The following PIK3C3 variants were observed in gnomAD, a reference collection of about 807,000 sequenced individuals.
PIK3C3 encodes phosphatidylinositol 3-kinase catalytic subunit type 3, also known as PI3-kinase type 3.
In PIK3C3, 95 loss-of-function variants were observed where a neutral mutation model predicts 126.1. The ratio of observed to expected loss-of-function variants is 0.75; its 90% CI spans 0.64 to 0.89. PIK3C3 has a LOEUF of 0.89. Among genes scored for constraint, PIK3C3 ranks in the 40% least tolerant of loss-of-function variants. The pLI is 0.00. For missense variants in PIK3C3, 829 were observed against 1,063.2 expected, an observed-to-expected ratio of 0.78 and a Z score of 3.06; for synonymous variants, 374 against 360.0, an observed-to-expected ratio of 1.04 and a Z score of -0.44.
chr18:41,994,488 A>G (rs1177596877), intron 7 of PIK3C3, among the ~76,000 whole-genome samples: 2 of 152,276 alleles, frequency 1.3e-5, no homozygotes, highest in East Asian at 3.9e-4. Flanking sequence ...GTATCTGACA[A>G]TAAAACAGAC....
At chr18:42,079,868 A>G (rs1367308479) in intron 24 of PIK3C3, among the ~76,000 whole-genome samples, 1 of 151,648 alleles carries the variant, frequency 6.6e-6, no homozygotes, top group Non-Finnish European at 1.5e-5. Flanking sequence ...AGCTCTGTTG[A>G]TTCACCGCCG....
At chr18:41,998,393 G>A (rs192569495) in intron 9 of PIK3C3, among the ~76,000 whole-genome samples, 71 of 152,246 alleles carry the variant, frequency 4.7e-4, no homozygotes, top group African/African-American at 1.5e-3. Context: ...ATGCAGCTCA[G>A]TGTCGTCTTA....
intron 11 of PIK3C3, among the ~76,000 whole-genome samples, chr18:42,014,936 T>A (rs1401458173): frequency 1.3e-5 from 2 of 152,210 alleles, no homozygotes; most frequent in African/African-American, 4.8e-5. Flanking sequence ...GTCTTCAGTC[T>A]CAAGTCATGC....
At chr18:42,063,739 T>C (rs1017299300) in intron 22 of PIK3C3, among the ~76,000 whole-genome samples, 2 of 152,120 alleles carry the variant, frequency 1.3e-5, no homozygotes, top group Admixed American at 6.5e-5. Context: ...TATTTTATTA[T>C]TATTATTATT....
intron 4 of PIK3C3, among the ~76,000 whole-genome samples, chr18:41,974,886 G>A (rs1227762511): frequency 1.3e-5 from 2 of 152,220 alleles, no homozygotes; most frequent in Non-Finnish European, 2.9e-5. Flanking sequence ...AGACATGAAA[G>A]GTTAGTGCAA....
intron 2 of PIK3C3, 45 bp from the exon 3 acceptor site, chr18:41,962,442 GAT>G (rs33946724): frequency 0.4 from 562,085 of 1,397,012 alleles, 119,235 homozygotes; most frequent in African/African-American, 0.71. Flanking sequence ...TTAAAAGAAA[GAT>G]ATATATATAT....
In PIK3C3 at chr18:42,013,113, CT is replaced by C. The variant is rs67564071; in HGVS notation, c.1171-310del. On this transcript the variant is annotated intron_variant, in intron 10 of 24. Coordinates refer to ENST00000262039, the MANE Select transcript of PIK3C3 (RefSeq NM_002647.4). ...TGCAAAGCATCTTGAATCCTTCCCA[CT>C]TTTTTTTTTTTTTTTTTTGAAACTA... Among the ~76,000 whole-genome samples the C allele has an allele frequency of 4.7e-3, 642 of 136,812 alleles. 5 individuals carry two copies. Among genetic ancestry groups the C allele is most frequent in the African/African-American group, 0.015 (537 of 36,874 alleles). The allele number at this position is 136,812 out of a possible 152,430, so 89.8% of individuals were successfully genotyped here.
intron 24 of PIK3C3, among the ~76,000 whole-genome samples, chr18:42,076,177 TGCAC>T (rs1468954268): frequency 1.1e-4 from 13 of 115,980 alleles, no homozygotes; most frequent in Admixed American, 4.5e-4. Flanking sequence ...TATATATATA[TGCAC>T]ATATATATAT....
intron 4 of PIK3C3, among the ~76,000 whole-genome samples, 197 bp from the exon 5 acceptor site, chr18:41,987,615 T>TA (rs555577464): frequency 6.6e-6 from 1 of 151,958 alleles, no homozygotes; most frequent in Non-Finnish European, 1.5e-5. Context: ...TGGACCTTTT[T>TA]AAAAAAAATT....
Position 42,028,709 on chromosome 18 carries a change from G to A in PIK3C3, c.1591-616G>A, listed in dbSNP as rs148269271. 3.3e-5 allele frequency among the ~76,000 whole-genome samples: 5 copies of A among 152,246 alleles called. No individual in the cohort carries two copies. In the East Asian group the frequency reaches 9.6e-4, roughly 29 times the overall value. The stretch of plus-strand genomic sequence containing the variant: ...ATTTCAGTTTCTTTAAGTTTAAATT[G>A]CCTCATCTTTGAAATGAGGTTGATA... On this transcript the variant is annotated intron_variant, in intron 14 of 24. Coordinates refer to ENST00000262039, the MANE Select transcript of PIK3C3 (RefSeq NM_002647.4).
At chr18:42,080,344 A>T (rs1414104918) in intron 24 of PIK3C3, among the ~76,000 whole-genome samples, 1 of 152,164 alleles carries the variant, frequency 6.6e-6, no homozygotes, top group African/African-American at 2.4e-5. Flanking sequence ...CATTTTTCAC[A>T]TTTGTACATG....
In PIK3C3 at chr18:42,085,072, GA is replaced by G. The variant is rs1204267873; in HGVS notation, c.*3941del. The G allele has an allele frequency of 6.6e-6, 1 of 152,026 alleles. No homozygotes were observed. The highest frequency in any genetic ancestry group is 2.4e-5 in the African/African-American group (1 of 41,388). The allele number at this position is 152,026 out of a possible 1,614,324, so 9.4% of individuals were successfully genotyped here. A position where few individuals can be genotyped will look rare whatever the true frequency, so the allele number is the denominator to read the frequency against. On this transcript the variant is annotated 3_prime_UTR_variant, in exon 25 of 25. Transcript: ENST00000262039. ...ATTTTCCCTTTCTTGTCCATAGTGGGAAAAAATAATTTTTAACTGGCTATGT... is the reference window on the plus strand; with the variant it reads ...ATTTTCCCTTTCTTGTCCATAGTGGGAAAAATAATTTTTAACTGGCTATGT...
chr18:42,081,025 A>G (rs985121770), intron 24 of PIK3C3, 98 bp from the exon 25 acceptor site: 52 of 703,010 alleles, frequency 7.4e-5, no homozygotes, highest in African/African-American at 7.1e-4. Flanking sequence ...TGCACTTTTT[A>G]TTTTATTAGT....
intron 24 of PIK3C3, among the ~76,000 whole-genome samples, chr18:42,071,234 T>G (rs1360297664): frequency 2.0e-5 from 3 of 152,238 alleles, no homozygotes; most frequent in Non-Finnish European, 4.4e-5. Context: ...GTAGATGAAC[T>G]TTTTAAATAT....
Position 42,064,815 on chromosome 18 carries a change from TA to T in PIK3C3, c.2512del (p.Thr838LeufsTer2). 2 of 1,584,898 alleles carry T rather than the reference TA, an allele frequency of 1.3e-6. No individual in the cohort carries two copies. Among genetic ancestry groups the T allele is most frequent in the Non-Finnish European group, 1.7e-6 (2 of 1,153,886 alleles). Reference protein sequence around the residue: ...NIPDIALEPDKTVKKVQDKFR... With the variant: ...NIPDIALEPDXTVKKVQDKFR... ...TTCCAGATATTGCACTTGAACCAGA[TA>T]AAACTGTGAAAAAGGTAATTTTTAA... is the stretch of plus-strand genomic sequence containing the variant. On this transcript the variant is annotated frameshift_variant, in exon 23 of 25. Coordinates refer to ENST00000262039, the MANE Select transcript of PIK3C3 (RefSeq NM_002647.4). LOFTEE classifies it high-confidence loss of function.
At chr18:41,989,935 A>G (rs945855652) in intron 5 of PIK3C3, among the ~76,000 whole-genome samples, 7 of 152,292 alleles carry the variant, frequency 4.6e-5, no homozygotes, top group African/African-American at 1.7e-4. Flanking sequence ...ATGACAAATC[A>G]TTTTAAGACC....
At position 42,058,017 on chromosome 18, in the gene PIK3C3, A is replaced by C; in HGVS notation, c.2398A>C (p.Lys800Gln). The C allele has an allele frequency of 6.2e-7, 1 of 1,611,094 alleles. No homozygotes were observed. Among genetic ancestry groups the C allele is most frequent in the Non-Finnish European group, 8.5e-7 (1 of 1,178,886 alleles). ...GAGTGAGCAGTACCAAGAGTTCCGT[A>C]AACAGTGTTACACGGCTTTCCTCCA... The part of the protein sequence containing the change: ...TQSEQYQEFR[K>Q]QCYTAFLHLR... Residue 800 changes from lysine (K) to glutamine (Q), a missense_variant, in exon 22 of 25, where the codon AAA becomes CAA. Physicochemically the swap from Lys to Gln is moderately conservative, Grantham distance 53. Coordinates refer to ENST00000262039, the MANE Select transcript of PIK3C3 (RefSeq NM_002647.4).
At chr18:41,990,175 A>G (rs563583018) in intron 5 of PIK3C3, among the ~76,000 whole-genome samples, 1 of 152,326 alleles carries the variant, frequency 6.6e-6, no homozygotes, top group East Asian at 1.9e-4. Context: ...AAATACCTTC[A>G]AGATTATAAA....
intron 15 of PIK3C3, among the ~76,000 whole-genome samples, chr18:42,032,734 CT>C (rs2144450530): frequency 6.6e-6 from 1 of 151,802 alleles, no homozygotes; most frequent in Non-Finnish European, 1.5e-5. Context: ...GTTGACATTA[CT>C]TCACATTAGT....
Sources: allele counts gnomAD v4.1 joint callset (sites outside exome capture counted in the v4.1 genomes callset), GRCh38; gene constraint gnomAD v4.1.1; transcripts MANE v1.5; gene names NCBI Gene and HGNC (gene_info 2026-07-23, HGNC 2026-07-21).